WDR70: variants seen among roughly 807,000 people sequenced by gnomAD.
WDR70 encodes the protein WD repeat domain 70.
In WDR70, 53 loss-of-function variants were observed where a neutral mutation model predicts 88.6. The ratio of observed to expected loss-of-function variants is 0.60; its 90% CI spans 0.48 to 0.75. The LOEUF is 0.75. Ranked by LOEUF, WDR70 falls within the 30% of genes least tolerant of loss-of-function variation. The pLI is 0.00. For missense variants in WDR70, 610 were observed against 823.2 expected (o/e 0.74, Z 3.17); for synonymous variants, 280 against 270.0 (o/e 1.04, Z -0.36).
chr5:37,647,902 G>A (rs1745281620), intron 10 of WDR70, among the ~76,000 whole-genome samples: 1 of 152,098 alleles, frequency 6.6e-6, no homozygotes, highest in Admixed American at 6.5e-5. Flanking sequence ...GAGAGTGTGG[G>A]GGTGCAGGAA....
chr5:37,575,050 G>A (rs1338669067), intron 9 of WDR70, among the ~76,000 whole-genome samples: 1 of 152,148 alleles, frequency 6.6e-6, no homozygotes, highest in Non-Finnish European at 1.5e-5. Flanking sequence ...AGCTCCGTGA[G>A]GGCAAGGGCT....
intron 10 of WDR70, among the ~76,000 whole-genome samples, chr5:37,695,817 G>T (rs1477671130): frequency 6.6e-6 from 1 of 152,038 alleles, no homozygotes; most frequent in Non-Finnish European, 1.5e-5. Context: ...GACCATATAA[G>T]GTATTCATGG....
intron 10 of WDR70, among the ~76,000 whole-genome samples, chr5:37,676,813 C>T (rs1470065890): frequency 6.6e-6 from 1 of 152,128 alleles, no homozygotes; most frequent in African/African-American, 2.4e-5. Flanking sequence ...GGAATGGTAC[C>T]CGTTCCTCCT....
intron 11 of WDR70, among the ~76,000 whole-genome samples, chr5:37,698,255 T>C (rs546282221): frequency 5.3e-5 from 8 of 152,316 alleles, no homozygotes; most frequent in African/African-American, 9.6e-5. Context: ...AGTTTACTTA[T>C]CCACATTTGT....
At chr5:37,698,187 T>A (rs574662078) in intron 11 of WDR70, among the ~76,000 whole-genome samples, 46 of 152,308 alleles carry the variant, frequency 3.0e-4, no homozygotes, top group African/African-American at 7.9e-4. Context: ...TTAGTTTTTT[T>A]AAAAAAGTCT....
intron 10 of WDR70, among the ~76,000 whole-genome samples, chr5:37,660,152 A>T (rs1745664477): frequency 6.6e-6 from 1 of 152,180 alleles, no homozygotes; most frequent in Non-Finnish European, 1.5e-5. Context: ...GTTCTATTTT[A>T]ATCCCATTGT....
At chr5:37,659,028 A>G (rs939042429) in intron 10 of WDR70, among the ~76,000 whole-genome samples, 4 of 152,202 alleles carry the variant, frequency 2.6e-5, no homozygotes, top group African/African-American at 7.2e-5. Flanking sequence ...AGTACTAATC[A>G]TATTTTCTAT....
At chr5:37,702,201 TAAAA>T (rs1426445843) in intron 12 of WDR70, among the ~76,000 whole-genome samples, 1 of 152,228 alleles carries the variant, frequency 6.6e-6, no homozygotes, top group Non-Finnish European at 1.5e-5. Flanking sequence ...CATTTTATGT[TAAAA>T]CGAACAAACA....
intron 9 of WDR70, among the ~76,000 whole-genome samples, chr5:37,523,857 A>G (rs925732029): frequency 6.6e-6 from 1 of 152,256 alleles, no homozygotes; most frequent in Non-Finnish European, 1.5e-5. Flanking sequence ...AGCTGATTCA[A>G]TCAACTGGAA....
chr5:37,379,348 T>TC lies in WDR70; in HGVS notation c.-19dup. ...TGTTTGGGCTGTCCCTGTGGCTGGT[T>TC]CTGGGGTGTGCGGCCAGCCATGGAG... On this transcript the variant is annotated 5_prime_UTR_variant, in exon 1 of 18. Coordinates refer to ENST00000265107, the MANE Select transcript of WDR70 (RefSeq NM_018034.4). 6.2e-7 allele frequency: 1 copy of TC among 1,613,580 alleles called. No homozygotes were observed. The highest frequency in any genetic ancestry group is 8.5e-7 in the Non-Finnish European group (1 of 1,179,790).
At chr5:37,526,849 G>C (rs1741294023) in intron 9 of WDR70, among the ~76,000 whole-genome samples, 1 of 151,998 alleles carries the variant, frequency 6.6e-6, no homozygotes, top group Non-Finnish European at 1.5e-5. Flanking sequence ...AACAGACAGA[G>C]AGCCAAATCA....
chr5:37,431,204 A>G (rs529372252), intron 5 of WDR70, among the ~76,000 whole-genome samples: 17 of 152,190 alleles, frequency 1.1e-4, no homozygotes, highest in Middle Eastern at 3.2e-3. Flanking sequence ...TCATGAAGGC[A>G]GGAACCTTCT....
intron 10 of WDR70, among the ~76,000 whole-genome samples, chr5:37,613,532 A>G (rs192053215): frequency 1.3e-5 from 2 of 152,292 alleles, no homozygotes; most frequent in East Asian, 3.9e-4. Context: ...ATGCAGCCAA[A>G]TCACTGCTCT....
intron 13 of WDR70, among the ~76,000 whole-genome samples, chr5:37,705,581 A>G (rs543670901): frequency 6.6e-6 from 1 of 152,256 alleles, no homozygotes; most frequent in East Asian, 1.9e-4. Flanking sequence ...TGTTAAATAA[A>G]TGGGGCTTTT....
At chr5:37,622,933 A>G (rs1475501944) in intron 10 of WDR70, among the ~76,000 whole-genome samples, 1 of 152,118 alleles carries the variant, frequency 6.6e-6, no homozygotes, top group African/African-American at 2.4e-5. Context: ...AATGTAAAAA[A>G]CCAATGTGAT....
chr5:37,649,233 A>G (rs1013187310), intron 10 of WDR70, among the ~76,000 whole-genome samples: 10 of 152,060 alleles, frequency 6.6e-5, no homozygotes, highest in African/African-American at 2.4e-4. Context: ...AGTCTTTCCA[A>G]GAGATAATGA....
Position 37,679,078 on chromosome 5 carries a change from T to A in WDR70, c.1093-18577T>A, listed in dbSNP as rs558729135. On this transcript the variant is annotated intron_variant, in intron 10 of 17. Transcript: ENST00000265107. ...TAGTTCTCGAGCCTTGGCTTTCAGC[T>A]CCATCAGCTCCTTTAAGCACTTCTC... Among the ~76,000 whole-genome samples, 58 of 152,332 alleles carry A rather than the reference T, an allele frequency of 3.8e-4. No homozygotes were observed. In the East Asian group the frequency reaches 0.01, roughly 27 times the overall value.
intron 12 of WDR70, 77 bp from the exon 13 acceptor site, chr5:37,702,872 T>C: frequency 6.9e-7 from 1 of 1,450,872 alleles, no homozygotes; most frequent in Non-Finnish European, 9.4e-7. Flanking sequence ...ATGTTTATAT[T>C]TTATTTAATT....
intron 5 of WDR70, among the ~76,000 whole-genome samples, chr5:37,417,212 A>G (rs1749786311): frequency 6.6e-6 from 1 of 152,080 alleles, no homozygotes; most frequent in African/African-American, 2.4e-5. Context: ...TAGTCTCTTT[A>G]CTTACAAGTT....
Sources: gnomAD v4.1 joint callset for allele counts (sites outside exome capture counted in the v4.1 genomes callset) on GRCh38, gnomAD v4.1.1 for gene constraint, MANE v1.5 for transcripts, NCBI Gene and HGNC (gene_info 2026-07-23, HGNC 2026-07-21) for gene names.